GPX6: variants seen among roughly 807,000 people sequenced by gnomAD.
The protein encoded by GPX6 is glutathione peroxidase 6.
Under a neutral mutation model 20.0 loss-of-function variants are expected in GPX6, and 21 were observed. That is an observed-to-expected ratio of 1.05 (90% CI 0.74 to 1.51). The LOEUF is 1.51. Among genes scored for constraint, GPX6 ranks in the 40% most tolerant of loss-of-function variants. GPX6 has a pLI of 0.00. For missense variants in GPX6, 233 were observed against 254.7 expected (o/e 0.91, Z 0.58); for synonymous variants, 75 against 98.0 (o/e 0.77, Z 1.38).
chr6:28,513,563 T>C (rs1246126216), intron 1 of GPX6, among the ~76,000 whole-genome samples: 2 of 152,282 alleles, frequency 1.3e-5, no homozygotes, highest in East Asian at 1.9e-4. Context: ...CTTTATATTG[T>C]GGTGAAACAG....
In GPX6 at chr6:28,512,305, C is replaced by T. The variant is rs112750624; in HGVS notation, c.88-1401G>A. 1.3e-3 allele frequency among the ~76,000 whole-genome samples: 202 copies of T among 152,362 alleles called. 2 individuals are homozygous for T. The highest frequency in any genetic ancestry group is 4.5e-3 in the African/African-American group (189 of 41,586). Reference sequence around the variant, plus strand: ...ATGTCTAGCTAAGGGATTGTAAATACACCAATCGGCACTCTGTATCTAGCT... The same window carrying T: ...ATGTCTAGCTAAGGGATTGTAAATATACCAATCGGCACTCTGTATCTAGCT... On this transcript the variant is annotated intron_variant, in intron 1 of 4. Transcript: ENST00000361902.
intron 3 of GPX6, 36 bp downstream of exon 3, chr6:28,506,276 G>A (rs147803417): frequency 1.0e-5 from 13 of 1,266,322 alleles, no homozygotes; most frequent in African/African-American, 2.9e-5. Context: ...TGGAAATCCC[G>A]ACAGGGCATC....
intron 4 of GPX6, among the ~76,000 whole-genome samples, chr6:28,505,365 C>T (rs1762797869): frequency 6.6e-6 from 1 of 152,226 alleles, no homozygotes; most frequent in African/African-American, 2.4e-5. Flanking sequence ...CTGTATCATC[C>T]ATGTCTGTCT....
chr6:28,504,077 C>G lies in GPX6; in HGVS notation c.*215G>C. On this transcript the variant is annotated 3_prime_UTR_variant, in exon 5 of 5. Coordinates refer to ENST00000361902, the MANE Select transcript of GPX6 (RefSeq NM_182701.1). Reference sequence around the variant, plus strand: ...ATACATACACCTATGCATATACCAACAAATACAATTCTACATATCCATACA... The same window carrying G: ...ATACATACACCTATGCATATACCAAGAAATACAATTCTACATATCCATACA... 1 of 571,976 alleles carries G rather than the reference C, an allele frequency of 1.7e-6. No homozygotes were observed. The allele number at this position is 571,976 out of a possible 1,614,324, so 35.4% of individuals were successfully genotyped here.
At chr6:28,513,186 C>G (rs893600255) in intron 1 of GPX6, among the ~76,000 whole-genome samples, 4 of 152,270 alleles carry the variant, frequency 2.6e-5, no homozygotes, top group Non-Finnish European at 4.4e-5. Flanking sequence ...TCTCCATGCC[C>G]ACGTGTGATC....
rs751016702 is a variant in GPX6 at position 28,506,360 on chromosome 6, A to G, written c.311T>C (p.Phe104Ser). ...GTTTGTTCCTGGTTCTTGTTTTCCAAACTGGTTGCAGGGAAAGGCCAACAC... is the reference window on the plus strand; with the variant it reads ...GTTTGTTCCTGGTTCTTGTTTTCCAGACTGGTTGCAGGGAAAGGCCAACAC... ...VIVLAFPCNQ[F>S]GKQEPGTNSE... Residue 104 changes from phenylalanine (F) to serine (S), a missense_variant, in exon 3 of 5, where the codon TTT becomes TCT. Coordinates refer to ENST00000361902, the MANE Select transcript of GPX6 (RefSeq NM_182701.1). 18 of 1,613,876 alleles carry G rather than the reference A, an allele frequency of 1.1e-5. No individual in the cohort carries two copies. The African/African-American group carries it at 1.9e-4, about 17-fold the overall frequency.
intron 1 of GPX6, among the ~76,000 whole-genome samples, chr6:28,513,523 A>G (rs919050552): frequency 6.6e-6 from 1 of 152,176 alleles, no homozygotes; most frequent in African/African-American, 2.4e-5. Flanking sequence ...TTTCGCTGGT[A>G]CCTTGAAAAC....
In GPX6 at chr6:28,510,809, G is replaced by C; in HGVS notation, c.183C>G (p.Gly61=). The part of the protein sequence containing the change: ...EEYIQFKQFA[G]KHVLFVNVAA... Reference sequence around the variant, plus strand: ...CCACATTGACAAACAGGACGTGCTTGCCTGCAAACTGCTTGAATTGGATGT... The same window carrying C: ...CCACATTGACAAACAGGACGTGCTTCCCTGCAAACTGCTTGAATTGGATGT... Residue 61 remains glycine (G), a synonymous_variant, in exon 2 of 5, where the codon GGC becomes GGG. Transcript: ENST00000361902. The C allele has an allele frequency of 6.2e-7, 1 of 1,614,146 alleles. No homozygotes were observed. Among genetic ancestry groups the C allele is most frequent in the Non-Finnish European group, 8.5e-7 (1 of 1,180,022 alleles).
Position 28,509,750 on chromosome 6 carries a change from A to G in GPX6, c.241+1001T>C, listed in dbSNP as rs1762842476. Among the ~76,000 whole-genome samples the G allele has an allele frequency of 2.6e-5, 4 of 152,344 alleles. No homozygotes were observed. In the South Asian group the frequency reaches 8.3e-4, roughly 32 times the overall value. ...TGCAAAACTCTTCTCCAATAAGGGC[A>G]CAAAGAAAATGGAAACACACCTCAG... On this transcript the variant is annotated intron_variant, in intron 2 of 4. Transcript: ENST00000361902.
chr6:28,513,111 C>G (rs560108517), intron 1 of GPX6, among the ~76,000 whole-genome samples: 1 of 152,292 alleles, frequency 6.6e-6, no homozygotes, highest in East Asian at 1.9e-4. Context: ...CAGGGAAAAA[C>G]CATCTCTCTT....
In GPX6 at chr6:28,515,707, A is replaced by T; in HGVS notation, c.37T>A (p.Phe13Ile). Residue 13 changes from phenylalanine (F) to isoleucine (I), a missense_variant, in exon 1 of 5, where the codon TTT (phenylalanine) becomes ATT (isoleucine). Physicochemically the swap from Phe to Ile is conservative, Grantham distance 21. Coordinates refer to ENST00000361902, the MANE Select transcript of GPX6 (RefSeq NM_182701.1). ...QQFQASCLVLFFLVGFAQQTL... is the reference protein window; with the variant it reads ...QQFQASCLVLIFLVGFAQQTL... Reference sequence around the variant, plus strand: ...TGCTGAGCAAAGCCAACCAGGAAAAACAGGACAAGACAGGAGGCCTGGAAC... The same window carrying T: ...TGCTGAGCAAAGCCAACCAGGAAAATCAGGACAAGACAGGAGGCCTGGAAC... The T allele has an allele frequency of 6.2e-7, 1 of 1,613,956 alleles. No homozygotes were observed.
intron 4 of GPX6, among the ~76,000 whole-genome samples, 178 bp from the exon 5 acceptor site, chr6:28,504,676 C>T (rs1438925761): frequency 6.6e-6 from 1 of 152,158 alleles, no homozygotes; most frequent in Non-Finnish European, 1.5e-5. Context: ...AATACCAATA[C>T]ACCAACTACC....
In GPX6 at chr6:28,513,921, GAGA is replaced by G. The variant is rs576905729; in HGVS notation, c.87+1733_87+1735del. ...CAGCTTCTCCTTCATTATCCTTGGA[GAGA>G]AGGAGGCTTGACCAAGGGGCAAGCC... On this transcript the variant is annotated intron_variant, in intron 1 of 4. Transcript: ENST00000361902. 3.0e-3 allele frequency among the ~76,000 whole-genome samples: 462 copies of G among 152,336 alleles called. 2 individuals carry two copies. Among genetic ancestry groups the G allele is most frequent in the African/African-American group, 0.011 (445 of 41,564 alleles).
chr6:28,513,075 G>A (rs972235842), intron 1 of GPX6, among the ~76,000 whole-genome samples: 8 of 152,190 alleles, frequency 5.3e-5, no homozygotes, highest in African/African-American at 1.9e-4. Flanking sequence ...ATTGACAGCG[G>A]AAGGACATGG....
At chr6:28,513,440 C>T (rs545454572) in intron 1 of GPX6, among the ~76,000 whole-genome samples, 2 of 152,234 alleles carry the variant, frequency 1.3e-5, no homozygotes, top group Non-Finnish European at 2.9e-5. Flanking sequence ...CAGGTTTGAG[C>T]GGCGGGGAAC....
At chr6:28,511,052 T>A in intron 1 of GPX6, 148 bp from the exon 2 acceptor site, 1 of 625,288 alleles carries the variant, frequency 1.6e-6, no homozygotes, top group Non-Finnish European at 2.5e-6. Flanking sequence ...AATTTTTAGT[T>A]AGAGCTGATG....
chr6:28,515,171 A>C lies in GPX6; in HGVS notation c.87+486T>G, dbSNP rs1404579330. Among the ~76,000 whole-genome samples the C allele has an allele frequency of 3.9e-5, 6 of 152,308 alleles. No homozygotes were observed. In the East Asian group the frequency reaches 1.2e-3, roughly 29 times the overall value. ...TGGGGAGCTCCTCTTTCTGTGACCT[A>C]GAAACTCCTAGTGCAGATCGCAAGC... On this transcript the variant is annotated intron_variant, in intron 1 of 4. Transcript: ENST00000361902.
intron 1 of GPX6, among the ~76,000 whole-genome samples, chr6:28,514,276 TC>T (rs1762984546): frequency 6.6e-6 from 1 of 152,206 alleles, no homozygotes; most frequent in Non-Finnish European, 1.5e-5. Context: ...AGATGCAGAA[TC>T]CCACGAAAAC....
Position 28,504,269 on chromosome 6 carries a change from T to C in GPX6, c.*23A>G. On this transcript the variant is annotated 3_prime_UTR_variant, in exon 5 of 5. Coordinates refer to ENST00000361902, the MANE Select transcript of GPX6 (RefSeq NM_182701.1). Reference sequence around the variant, plus strand: ...CTGCAGGTGGGAGACAGGGTAGTTATTTCTGTCAGTCGCTAGCCCTTCCTA... The same window carrying C: ...CTGCAGGTGGGAGACAGGGTAGTTACTTCTGTCAGTCGCTAGCCCTTCCTA... The C allele has an allele frequency of 6.2e-7, 1 of 1,603,170 alleles. No individual in the cohort carries two copies. The highest frequency in any genetic ancestry group is 1.1e-5 in the South Asian group (1 of 90,812).
Sources: allele counts gnomAD v4.1 joint callset (sites outside exome capture counted in the v4.1 genomes callset), GRCh38; gene constraint gnomAD v4.1.1; transcripts MANE v1.5; gene names NCBI Gene and HGNC (gene_info 2026-07-23, HGNC 2026-07-21).